CYTH3: variants seen among roughly 807,000 people sequenced by gnomAD.
The protein encoded by CYTH3 is cytohesin 3, also known as cytohesin-3.
Under a neutral mutation model 55.1 loss-of-function variants are expected in CYTH3, and 23 were observed. The observed-to-expected ratio is 0.42, with a 90% CI of 0.30 to 0.59. CYTH3 has a LOEUF of 0.59. Ranked by LOEUF, CYTH3 falls within the 20% of genes least tolerant of loss-of-function variation. The pLI, the probability that CYTH3 is intolerant of heterozygous loss-of-function variation, is 0.20. For synonymous variants in CYTH3, 249 were observed against 194.9 expected, an observed-to-expected ratio of 1.28 and a Z score of -2.31; for missense variants, 413 against 524.8, an observed-to-expected ratio of 0.79 and a Z score of 2.08.
chr7:6,241,648 G>C (rs1457570022), intron 1 of CYTH3, among the ~76,000 whole-genome samples: 2 of 152,086 alleles, frequency 1.3e-5, no homozygotes, highest in African/African-American at 4.8e-5. Context: ...CAATCCAAGT[G>C]CCCATCAATA....
At chr7:6,195,364 G>A (rs1297862481) in intron 1 of CYTH3, among the ~76,000 whole-genome samples, 1 of 152,136 alleles carries the variant, frequency 6.6e-6, no homozygotes, top group Non-Finnish European at 1.5e-5. Context: ...GCTTCACAAA[G>A]ATACAAATAA....
chr7:6,165,170 A>C, intron 12 of CYTH3, 103 bp downstream of exon 12: 2 of 1,554,908 alleles, frequency 1.3e-6, no homozygotes, highest in Non-Finnish European at 8.7e-7. Context: ...TGGAGACAGA[A>C]GGTCCACTCT....
intron 1 of CYTH3, among the ~76,000 whole-genome samples, chr7:6,223,635 CA>C (rs904009723): frequency 6.6e-6 from 1 of 151,990 alleles, no homozygotes; most frequent in Non-Finnish European, 1.5e-5. Context: ...TAGAAGGCAG[CA>C]TGCTCGTTAA....
At chr7:6,254,409 T>C (rs1410865961) in intron 1 of CYTH3, among the ~76,000 whole-genome samples, 1 of 152,250 alleles carries the variant, frequency 6.6e-6, no homozygotes, top group Non-Finnish European at 1.5e-5. Context: ...GAGAATGTCC[T>C]TAGAAGACGA....
At chr7:6,268,441 A>G (rs1168456965) in intron 1 of CYTH3, among the ~76,000 whole-genome samples, 1 of 152,184 alleles carries the variant, frequency 6.6e-6, no homozygotes, top group Non-Finnish European at 1.5e-5. Context: ...AAGTGCTAGG[A>G]TTATAGGTGA....
Position 6,171,770 on chromosome 7 carries a change from C to T in CYTH3, c.450-456G>A, listed in dbSNP as rs1021106994. 1.8e-5 allele frequency: 3 copies of T among 166,754 alleles called. No homozygotes were observed. Among genetic ancestry groups the T allele is most frequent in the Non-Finnish European group, 2.6e-5 (2 of 75,532 alleles). The allele number at this position is 166,754 out of a possible 1,614,324, so 10.3% of individuals were successfully genotyped here. On this transcript the variant is annotated intron_variant, in intron 6 of 12. Coordinates refer to ENST00000350796, the MANE Select transcript of CYTH3 (RefSeq NM_004227.4). This position sits in a 1 kb window ranked among gnomAD's most constrained non-coding sequence, Gnocchi z 6.7. ...GCCCCACCTACAGCACTGGGCGCTGCGGTCAGAAGCTGCTGCTGCCTTGCT... is the reference window on the plus strand; with the variant it reads ...GCCCCACCTACAGCACTGGGCGCTGTGGTCAGAAGCTGCTGCTGCCTTGCT...
intron 1 of CYTH3, among the ~76,000 whole-genome samples, chr7:6,225,048 C>A (rs1027426485): frequency 6.6e-6 from 1 of 152,182 alleles, no homozygotes; most frequent in Non-Finnish European, 1.5e-5. Context: ...GGGGTAAGGA[C>A]TGACTGCAAA....
chr7:6,216,512 G>A (rs1327119642), intron 1 of CYTH3, among the ~76,000 whole-genome samples: 1 of 151,984 alleles, frequency 6.6e-6, no homozygotes, highest in Non-Finnish European at 1.5e-5. Flanking sequence ...GCTGAGGTGG[G>A]TGGATTACCT....
Position 6,171,579 on chromosome 7 carries a change from A to C in CYTH3, c.450-265T>G, listed in dbSNP as rs1352751707. On this transcript the variant is annotated intron_variant, in intron 6 of 12. Transcript: ENST00000350796. The surrounding 1 kb of genome is among the most constrained non-coding windows in gnomAD (Gnocchi z 6.7). The stretch of plus-strand genomic sequence containing the variant: ...CGAGGCCGGTTGTCTCTGCCTAAAA[A>C]GTAAATATCCAGGATCCTGGCACTT... Among the ~76,000 whole-genome samples, 1 of 152,160 alleles carries C rather than the reference A, an allele frequency of 6.6e-6. No homozygotes were observed. The highest frequency in any genetic ancestry group is 1.5e-5 in the Non-Finnish European group (1 of 68,022).
At chr7:6,223,971 A>G (rs1334628957) in intron 1 of CYTH3, among the ~76,000 whole-genome samples, 2 of 152,014 alleles carry the variant, frequency 1.3e-5, no homozygotes, top group Non-Finnish European at 2.9e-5. Flanking sequence ...TGATGCTAAT[A>G]CTGTCTTTTC....
chr7:6,189,621 C>T (rs1305919671), intron 2 of CYTH3, among the ~76,000 whole-genome samples: 2 of 152,064 alleles, frequency 1.3e-5, no homozygotes, highest in Non-Finnish European at 2.9e-5. Context: ...ATGTGTCATC[C>T]TACTCCTACC....
intron 1 of CYTH3, among the ~76,000 whole-genome samples, chr7:6,199,535 T>G (rs1415152954): frequency 6.6e-6 from 1 of 152,166 alleles, no homozygotes; most frequent in Non-Finnish European, 1.5e-5. Flanking sequence ...TTCTACACCC[T>G]GCAAAATCTC....
intron 5 of CYTH3, among the ~76,000 whole-genome samples, 161 bp from the exon 6 acceptor site, chr7:6,173,894 C>T (rs1328470119): frequency 6.6e-6 from 1 of 152,156 alleles, no homozygotes; most frequent in Admixed American, 6.5e-5. Flanking sequence ...CAGGGCTGGC[C>T]ATGTTACCCA....
chr7:6,235,603 A>G (rs1779501443), intron 1 of CYTH3, among the ~76,000 whole-genome samples: 1 of 152,138 alleles, frequency 6.6e-6, no homozygotes, highest in African/African-American at 2.4e-5. Flanking sequence ...CGTACTTCTC[A>G]GAAACCTACC....
Position 6,195,264 on chromosome 7 carries a change from T to C in CYTH3, c.35-4733A>G, listed in dbSNP as rs558897827. Among the ~76,000 whole-genome samples the C allele has an allele frequency of 2.1e-4, 32 of 152,328 alleles. No individual in the cohort carries two copies. The East Asian group carries it at 5.8e-3, about 27-fold the overall frequency. On this transcript the variant is annotated intron_variant, in intron 1 of 12. Transcript: ENST00000350796. ...TGTTCAGCTTATGATAAAGTAAACA[T>C]GGCAAAGCAAAAAAATTTTGCAAAA... is the stretch of plus-strand genomic sequence containing the variant.
Position 6,190,433 on chromosome 7 carries a change from T to C in CYTH3, c.117+16A>G. The C allele has an allele frequency of 6.8e-7, 1 of 1,461,918 alleles. No homozygotes were observed. The highest frequency in any genetic ancestry group is 1.4e-5 in the South Asian group (1 of 73,052). 90.6% of individuals were successfully genotyped at this position (1,461,918 alleles called of 1,614,324 possible). On this transcript the variant is annotated intron_variant, in intron 2 of 12. Coordinates refer to ENST00000350796, the MANE Select transcript of CYTH3 (RefSeq NM_004227.4). ...AACAGAGTTTTGGATTTTTGGTTTT[T>C]TTTTTTTTTTTTTACCTCAATGTCA...
At chr7:6,186,503 A>G (rs1361485181) in intron 4 of CYTH3, among the ~76,000 whole-genome samples, 1 of 152,210 alleles carries the variant, frequency 6.6e-6, no homozygotes, top group Non-Finnish European at 1.5e-5. Context: ...AGAAAATCCA[A>G]CTTGAGGAAA....
intron 4 of CYTH3, among the ~76,000 whole-genome samples, chr7:6,183,076 A>C (rs1368636415): frequency 1.3e-5 from 2 of 152,170 alleles, no homozygotes; most frequent in Non-Finnish European, 2.9e-5. Context: ...TGGTGCTGCC[A>C]CCCACCGAGG....
chr7:6,182,917 G>A (rs1783545837), intron 4 of CYTH3, among the ~76,000 whole-genome samples: 1 of 152,180 alleles, frequency 6.6e-6, no homozygotes, highest in African/African-American at 2.4e-5. Flanking sequence ...GGTGCTTGGT[G>A]GGTGTTTGTC....
Sources: allele counts gnomAD v4.1 joint callset (sites outside exome capture counted in the v4.1 genomes callset), GRCh38; gene constraint gnomAD v4.1.1; non-coding constraint Gnocchi (gnomAD v3.1); transcripts MANE v1.5; gene names NCBI Gene and HGNC (gene_info 2026-07-23, HGNC 2026-07-21).